The following RMI1 variants were observed in gnomAD, a reference collection of about 807,000 sequenced individuals.
RMI1 encodes RecQ mediated genome instability 1.
Under a neutral mutation model 46.7 loss-of-function variants are expected in RMI1, and 36 were observed. The observed-to-expected ratio is 0.77, with a 90% CI of 0.59 to 1.02. RMI1 has a LOEUF of 1.02. RMI1 is among the 50% of genes least tolerant of loss of function. The pLI is 0.00. For missense variants in RMI1, 676 were observed against 713.7 expected, an observed-to-expected ratio of 0.95 and a Z score of 0.60; for synonymous variants, 250 against 252.9, an observed-to-expected ratio of 0.99 and a Z score of 0.11.
At chr9:83,994,219 T>G (rs1203476877) in intron 1 of RMI1, among the ~76,000 whole-genome samples, 1 of 152,216 alleles carries the variant, frequency 6.6e-6, no homozygotes, top group Non-Finnish European at 1.5e-5. Context: ...ATATGTGGTT[T>G]GCAAATATTT....
chr9:83,981,741 G>C (rs1957403577), intron 1 of RMI1, among the ~76,000 whole-genome samples: 1 of 152,208 alleles, frequency 6.6e-6, no homozygotes, highest in African/African-American at 2.4e-5. Flanking sequence ...TTTTAGTGTT[G>C]ATGAATTTGT....
In RMI1 at chr9:83,998,949, T is replaced by C. The variant is rs972837432; in HGVS notation, c.-125-760T>C. 4.6e-5 allele frequency among the ~76,000 whole-genome samples: 7 copies of C among 152,162 alleles called. No individual in the cohort carries two copies. In the East Asian group the frequency reaches 1.2e-3, roughly 25 times the overall value. On this transcript the variant is annotated intron_variant, in intron 1 of 2. Coordinates refer to ENST00000445877, the MANE Select transcript of RMI1 (RefSeq NM_001358291.2). ...TGAGGTCAGGAATTTGAGACCAGCC[T>C]GGCCAACATGGCGAAACCCTGTCTC...
At position 84,002,933 on chromosome 9, in the gene RMI1, A is replaced by G. The variant is rs1157123660; in HGVS notation, c.*69A>G. The G allele has an allele frequency of 2.1e-6, 2 of 936,896 alleles. No homozygotes were observed. The highest frequency in any genetic ancestry group is 2.8e-5 in the Admixed American group (1 of 36,078). 58.0% of individuals were successfully genotyped at this position (936,896 alleles called of 1,614,324 possible). On this transcript the variant is annotated 3_prime_UTR_variant, in exon 3 of 3. Coordinates refer to ENST00000445877, the MANE Select transcript of RMI1 (RefSeq NM_001358291.2). ...ATATTTAGAATTTGTTCACAATTTTACTTATGATACTTTGTGTAAAAAGGA... is the reference window on the plus strand; with the variant it reads ...ATATTTAGAATTTGTTCACAATTTTGCTTATGATACTTTGTGTAAAAAGGA...
chr9:83,982,009 A>G (rs186640962), intron 1 of RMI1, among the ~76,000 whole-genome samples: 14 of 152,324 alleles, frequency 9.2e-5, no homozygotes, highest in Non-Finnish European at 1.3e-4. Flanking sequence ...AAGTGATAAT[A>G]TAATTTTTTA....
chr9:83,994,036 C>T (rs770282887), intron 1 of RMI1, among the ~76,000 whole-genome samples: 53 of 151,650 alleles, frequency 3.5e-4, no homozygotes, highest in Admixed American at 5.9e-4. Flanking sequence ...CACCTGCCTC[C>T]GCCTCCCAAA....
chr9:83,989,417 A>G (rs971179578), intron 1 of RMI1, among the ~76,000 whole-genome samples: 1 of 152,244 alleles, frequency 6.6e-6, no homozygotes, highest in Non-Finnish European at 1.5e-5. Context: ...AATCAGAGAA[A>G]ACATTTGCAA....
chr9:84,000,812 T>C (rs1056352986), intron 2 of RMI1, 139 bp from the exon 3 acceptor site: 19 of 527,116 alleles, frequency 3.6e-5, no homozygotes, highest in African/African-American at 3.4e-4. Flanking sequence ...TGATTATGTG[T>C]AGTGTTTCAA....
intron 2 of RMI1, among the ~76,000 whole-genome samples, chr9:84,000,500 TAG>T (rs1957721851): frequency 6.6e-6 from 1 of 152,170 alleles, no homozygotes; most frequent in Non-Finnish European, 1.5e-5. Context: ...TGATAATATT[TAG>T]AGTTTCAGAC....
intron 1 of RMI1, among the ~76,000 whole-genome samples, chr9:83,996,653 A>G (rs1002882857): frequency 2.0e-5 from 3 of 152,162 alleles, no homozygotes; most frequent in African/African-American, 4.8e-5. Flanking sequence ...TTAGCATACT[A>G]TATATCCTAT....
intron 1 of RMI1, among the ~76,000 whole-genome samples, chr9:83,997,489 C>T (rs1053690756): frequency 1.3e-5 from 2 of 151,916 alleles, no homozygotes; most frequent in Non-Finnish European, 2.9e-5. Context: ...AAATGCCTCC[C>T]TGGACCCTGG....
chr9:83,987,997 T>G (rs1957517563), intron 1 of RMI1, among the ~76,000 whole-genome samples: 1 of 152,018 alleles, frequency 6.6e-6, no homozygotes, highest in South Asian at 2.1e-4. Context: ...GTGATCCTCC[T>G]ACCTCTGCCT....
chr9:83,995,840 G>C (rs1055455095), intron 1 of RMI1, among the ~76,000 whole-genome samples: 2 of 152,042 alleles, frequency 1.3e-5, no homozygotes, highest in African/African-American at 4.8e-5. Flanking sequence ...TTTAATTTTA[G>C]AGACCATTTT....
chr9:83,998,115 A>G (rs1276855662), intron 1 of RMI1, among the ~76,000 whole-genome samples: 3 of 152,208 alleles, frequency 2.0e-5, no homozygotes, highest in Admixed American at 6.5e-5. Context: ...AAGTATTTCC[A>G]TTTGGTAAAT....
chr9:84,002,555 T>G lies in RMI1; in HGVS notation c.1569T>G (p.Ser523Arg). The G allele has an allele frequency of 6.2e-7, 1 of 1,613,968 alleles. No homozygotes were observed. Among genetic ancestry groups the G allele is most frequent in the South Asian group, 1.1e-5 (1 of 91,078 alleles). Residue 523 changes from serine (S) to arginine (R), a missense_variant, in exon 3 of 3, where the codon AGT (serine) becomes AGG (arginine). Transcript: ENST00000445877. ...TAACCTTAACTGGAAATCTCTCAAGTTCTGGTGGTATTTGGAGTATAACTG... is the reference window on the plus strand; with the variant it reads ...TAACCTTAACTGGAAATCTCTCAAGGTCTGGTGGTATTTGGAGTATAACTG... ...FIVTLTGNLS[S>R]SGGIWSITAK...
chr9:83,986,670 A>C (rs1221668714), intron 1 of RMI1, among the ~76,000 whole-genome samples: 3 of 152,160 alleles, frequency 2.0e-5, no homozygotes, highest in African/African-American at 7.2e-5. Context: ...AAAAAATTTT[A>C]AGTCTTACAA....
chr9:84,003,107 C>G lies in RMI1; in HGVS notation c.*243C>G. 1 of 305,158 alleles carries G rather than the reference C, an allele frequency of 3.3e-6. No homozygotes were observed. The highest frequency in any genetic ancestry group is 6.4e-6 in the Non-Finnish European group (1 of 157,440). 18.9% of individuals were successfully genotyped at this position (305,158 alleles called of 1,614,324 possible). Reference sequence around the variant, plus strand: ...TGTTGCCCAGGCTAGAGTGCAGTGGCATGATCATAGGTTATTGCATCAACC... The same window carrying G: ...TGTTGCCCAGGCTAGAGTGCAGTGGGATGATCATAGGTTATTGCATCAACC... On this transcript the variant is annotated 3_prime_UTR_variant, in exon 3 of 3. Coordinates refer to ENST00000445877, the MANE Select transcript of RMI1 (RefSeq NM_001358291.2).
At position 84,002,897 on chromosome 9, in the gene RMI1, A is replaced by C; in HGVS notation, c.*33A>C. 2 of 1,236,512 alleles carry C rather than the reference A, an allele frequency of 1.6e-6. No individual in the cohort carries two copies. Among genetic ancestry groups the C allele is most frequent in the Non-Finnish European group, 2.2e-6 (2 of 896,566 alleles). The allele number at this position is 1,236,512 out of a possible 1,614,324, so 76.6% of individuals were successfully genotyped here. On this transcript the variant is annotated 3_prime_UTR_variant, in exon 3 of 3. Coordinates refer to ENST00000445877, the MANE Select transcript of RMI1 (RefSeq NM_001358291.2). ...AAAATAGTATTAGGAACAATTAAAA[A>C]CAACAAGGAAATATTTAGAATTTGT...
At chr9:83,981,913 C>G (rs1399892999) in intron 1 of RMI1, among the ~76,000 whole-genome samples, 3 of 152,168 alleles carry the variant, frequency 2.0e-5, no homozygotes, top group African/African-American at 7.2e-5. Flanking sequence ...ATGACAAACA[C>G]CAGTATTTAC....
rs1311304725 is a variant in RMI1, at chr9:84,003,588, G to A, written c.*724G>A. The A allele has an allele frequency of 1.2e-5, 2 of 165,950 alleles. No individual in the cohort carries two copies. The highest frequency in any genetic ancestry group is 4.8e-5 in the African/African-American group (2 of 41,414). 10.3% of individuals were successfully genotyped at this position (165,950 alleles called of 1,614,324 possible). ...GATTTGTTTATATTGTTAATCTTAG[G>A]GAAAAAAAATTAAAATCCAGTAGAT... is the stretch of plus-strand genomic sequence containing the variant. On this transcript the variant is annotated 3_prime_UTR_variant, in exon 3 of 3. Coordinates refer to ENST00000445877, the MANE Select transcript of RMI1 (RefSeq NM_001358291.2).
Sources: allele counts gnomAD v4.1 joint callset (sites outside exome capture counted in the v4.1 genomes callset), GRCh38; gene constraint gnomAD v4.1.1; transcripts MANE v1.5; gene names NCBI Gene and HGNC (gene_info 2026-07-23, HGNC 2026-07-21).